The following NLGN1 variants were observed in gnomAD, a reference collection of about 807,000 sequenced individuals.
NLGN1 encodes neuroligin 1, also known as neuroligin-1.
In NLGN1, 12 loss-of-function variants were observed where a neutral mutation model predicts 65.5. The observed-to-expected ratio is 0.18, with a 90% CI of 0.12 to 0.30. The LOEUF is 0.30. NLGN1 is among the 10% of genes least tolerant of loss of function. The pLI, the probability that NLGN1 is intolerant of heterozygous loss-of-function variation, is 1.00. For missense variants in NLGN1, 750 were observed against 1,007.1 expected, an observed-to-expected ratio of 0.74 and a Z score of 3.46; for synonymous variants, 350 against 359.5, an observed-to-expected ratio of 0.97 and a Z score of 0.30.
At chr3:173,906,994 ATCT>A (rs1437922877) in intron 4 of NLGN1, among the ~76,000 whole-genome samples, 1 of 152,056 alleles carries the variant, frequency 6.6e-6, no homozygotes, top group Non-Finnish European at 1.5e-5. Context: ...ATGGTAAAGT[ATCT>A]TCTTCTATGG....
chr3:174,203,751 A>G (rs996135007), intron 4 of NLGN1, among the ~76,000 whole-genome samples: 1 of 152,100 alleles, frequency 6.6e-6, no homozygotes, highest in Non-Finnish European at 1.5e-5. Flanking sequence ...ATAGATACAT[A>G]TTTTTCATAA....
chr3:174,148,168 A>G (rs1723692999), intron 4 of NLGN1, among the ~76,000 whole-genome samples: 1 of 152,180 alleles, frequency 6.6e-6, no homozygotes, highest in Admixed American at 6.5e-5. Flanking sequence ...GTATTTTCCC[A>G]TTTGTAGATG....
chr3:174,140,990 TA>T (rs1356984870), intron 4 of NLGN1, among the ~76,000 whole-genome samples: 8 of 152,120 alleles, frequency 5.3e-5, no homozygotes, highest in Admixed American at 4.6e-4. Flanking sequence ...CTAGAATAGT[TA>T]AAAGCCAAAT....
At chr3:174,215,285 C>T (rs924512490) in intron 4 of NLGN1, among the ~76,000 whole-genome samples, 1 of 152,054 alleles carries the variant, frequency 6.6e-6, no homozygotes, top group Non-Finnish European at 1.5e-5. Context: ...TCATATAGGC[C>T]TCTGGTATGC....
chr3:173,550,915 C>T (rs1740748148), intron 2 of NLGN1, among the ~76,000 whole-genome samples: 1 of 152,070 alleles, frequency 6.6e-6, no homozygotes. Flanking sequence ...AATATTCTTC[C>T]GATTTTTCTC....
At chr3:173,658,084 G>C (rs896219264) in intron 3 of NLGN1, among the ~76,000 whole-genome samples, 3 of 151,962 alleles carry the variant, frequency 2.0e-5, no homozygotes, top group African/African-American at 7.2e-5. Flanking sequence ...TCGTATGGTA[G>C]TTAGAGAAAT....
At chr3:173,953,556 T>TATTG (rs1466607117) in intron 4 of NLGN1, among the ~76,000 whole-genome samples, 1 of 152,064 alleles carries the variant, frequency 6.6e-6, no homozygotes, top group African/African-American at 2.4e-5. Flanking sequence ...CTTATTTATT[T>TATTG]ACTTATTTAT....
chr3:174,109,659 C>T (rs1350255408), intron 4 of NLGN1, among the ~76,000 whole-genome samples: 2 of 151,878 alleles, frequency 1.3e-5, no homozygotes, highest in Non-Finnish European at 2.9e-5. Context: ...TATTGAGGCT[C>T]AGTTGAATTT....
chr3:173,677,943 G>GT (rs1225114336), intron 3 of NLGN1, among the ~76,000 whole-genome samples: 1 of 152,108 alleles, frequency 6.6e-6, no homozygotes, highest in Non-Finnish European at 1.5e-5. Context: ...ACACCATGAC[G>GT]TAGTGTCATA....
At chr3:173,516,546 TTCTA>T (rs1733849521) in intron 2 of NLGN1, among the ~76,000 whole-genome samples, 1 of 152,098 alleles carries the variant, frequency 6.6e-6, no homozygotes, top group Non-Finnish European at 1.5e-5. Flanking sequence ...CTCCAGTCTC[TTCTA>T]TCTTTGACAT....
chr3:173,748,999 T>G (rs994194813), intron 3 of NLGN1, among the ~76,000 whole-genome samples: 3 of 152,072 alleles, frequency 2.0e-5, no homozygotes, highest in African/African-American at 7.2e-5. Context: ...GAATTCATTA[T>G]GAAGGAAAAA....
chr3:173,937,212 T>C (rs943097689), intron 4 of NLGN1, among the ~76,000 whole-genome samples: 22 of 152,072 alleles, frequency 1.4e-4, no homozygotes, highest in African/African-American at 5.1e-4. Flanking sequence ...CTATTAATTA[T>C]GCGTACATAA....
chr3:173,491,041 C>G (rs1349744187), intron 2 of NLGN1, among the ~76,000 whole-genome samples: 3 of 151,808 alleles, frequency 2.0e-5, no homozygotes, highest in Non-Finnish European at 1.5e-5. Flanking sequence ...CATCTGCAAA[C>G]AGGGACAATT....
intron 4 of NLGN1, among the ~76,000 whole-genome samples, chr3:174,095,185 A>C (rs1037243136): frequency 1.3e-4 from 20 of 152,076 alleles, no homozygotes; most frequent in African/African-American, 4.8e-4. Flanking sequence ...AAAAGTAGAC[A>C]AATAGACCTT....
intron 4 of NLGN1, among the ~76,000 whole-genome samples, chr3:173,911,334 C>G (rs879755357): frequency 6.6e-6 from 1 of 152,088 alleles, no homozygotes; most frequent in African/African-American, 2.4e-5. Context: ...CTACGTTAAC[C>G]TTGTATAGAA....
At chr3:174,234,269 TC>T (rs998093082) in intron 4 of NLGN1, among the ~76,000 whole-genome samples, 1 of 152,086 alleles carries the variant, frequency 6.6e-6, no homozygotes, top group Non-Finnish European at 1.5e-5. Flanking sequence ...ACTTGAGAGA[TC>T]AAGTGCACTG....
intron 1 of NLGN1, among the ~76,000 whole-genome samples, chr3:173,413,524 C>T (rs1236156937): frequency 6.6e-6 from 1 of 152,110 alleles, no homozygotes; most frequent in African/African-American, 2.4e-5. Flanking sequence ...CGCTTGAACC[C>T]AGGAGGCAGA....
At chr3:173,518,927 C>G (rs897390977) in intron 2 of NLGN1, among the ~76,000 whole-genome samples, 1 of 152,140 alleles carries the variant, frequency 6.6e-6, no homozygotes, top group African/African-American at 2.4e-5. Context: ...CCCCTCTTTA[C>G]AGGCCCAGAG....
chr3:174,275,673 T>G, intron 5 of NLGN1, 146 bp downstream of exon 5: 1 of 619,542 alleles, frequency 1.6e-6, no homozygotes, highest in East Asian at 2.7e-5. Context: ...TCAGTTTTTC[T>G]GTGCATGTTT....
Sources: gnomAD v4.1 joint callset for allele counts (sites outside exome capture counted in the v4.1 genomes callset) on GRCh38, gnomAD v4.1.1 for gene constraint, MANE v1.5 for transcripts, NCBI Gene and HGNC (gene_info 2026-07-23, HGNC 2026-07-21) for gene names.